ADAMTSL1: variants seen among roughly 807,000 people sequenced by gnomAD.
The protein encoded by ADAMTSL1 is ADAMTS-like protein 1.
In ADAMTSL1, 126 loss-of-function variants were observed where a neutral mutation model predicts 201.8. That is an observed-to-expected ratio of 0.62 (90% CI 0.54 to 0.72). The LOEUF (loss-of-function observed/expected upper bound fraction) is 0.72. Ranked by LOEUF, ADAMTSL1 falls within the 30% of genes least tolerant of loss-of-function variation. ADAMTSL1 has a pLI of 0.00. For synonymous variants in ADAMTSL1, 1,121 were observed against 903.4 expected, an observed-to-expected ratio of 1.24 and a Z score of -4.32; for missense variants, 2,679 against 2,277.8, an observed-to-expected ratio of 1.18 and a Z score of -3.59.
intron 2 of ADAMTSL1, among the ~76,000 whole-genome samples, chr9:18,258,508 C>T (rs1831783744): frequency 6.6e-6 from 1 of 152,126 alleles, no homozygotes. Context: ...TCTCTTCTTC[C>T]CTTAATCTGC....
chr9:18,728,022 G>A (rs1817994844), intron 15 of ADAMTSL1, among the ~76,000 whole-genome samples: 1 of 152,058 alleles, frequency 6.6e-6, no homozygotes, highest in African/African-American at 2.4e-5. Flanking sequence ...GGAAGTTACG[G>A]TGAGCCAAGA....
intron 20 of ADAMTSL1, among the ~76,000 whole-genome samples, chr9:18,816,857 G>A (rs1435803485): frequency 6.7e-6 from 1 of 150,172 alleles, no homozygotes; most frequent in East Asian, 2.0e-4. Context: ...TTAATATATG[G>A]TGATCAGATC....
chr9:18,287,003 G>A (rs1234209140), intron 2 of ADAMTSL1, among the ~76,000 whole-genome samples: 1 of 152,042 alleles, frequency 6.6e-6, no homozygotes, highest in Non-Finnish European at 1.5e-5. Flanking sequence ...TAGGCCAAGG[G>A]TAACAAATAA....
At chr9:18,376,920 T>A (rs1837321535) in intron 2 of ADAMTSL1, among the ~76,000 whole-genome samples, 1 of 148,296 alleles carries the variant, frequency 6.7e-6, no homozygotes, top group African/African-American at 2.7e-5. Context: ...TTATTTAAAA[T>A]AAAATACGTT....
chr9:18,257,689 C>A (rs1346443820), intron 2 of ADAMTSL1, among the ~76,000 whole-genome samples: 1 of 151,926 alleles, frequency 6.6e-6, no homozygotes, highest in Non-Finnish European at 1.5e-5. Context: ...AGATATATAC[C>A]CCCAAAGAAC....
At chr9:18,506,921 A>C (rs939706808) in intron 2 of ADAMTSL1, among the ~76,000 whole-genome samples, 1 of 152,184 alleles carries the variant, frequency 6.6e-6, no homozygotes, top group Non-Finnish European at 1.5e-5. Context: ...AAGAAATATT[A>C]GTTTCTTAAA....
chr9:18,686,782 C>T (rs183031636), intron 13 of ADAMTSL1, among the ~76,000 whole-genome samples: 115 of 152,218 alleles, frequency 7.6e-4, no homozygotes, highest in African/African-American at 2.6e-3. Flanking sequence ...TTATTAGATG[C>T]CTTTCAGATG....
At chr9:18,328,870 A>G (rs1301131240) in intron 2 of ADAMTSL1, among the ~76,000 whole-genome samples, 1 of 152,206 alleles carries the variant, frequency 6.6e-6, no homozygotes, top group Non-Finnish European at 1.5e-5. Context: ...GGATGTCCCC[A>G]AACCATGGAT....
chr9:18,586,761 G>C (rs1004674566), intron 4 of ADAMTSL1, among the ~76,000 whole-genome samples: 1 of 151,990 alleles, frequency 6.6e-6, no homozygotes, highest in South Asian at 2.1e-4. Context: ...TAGACCAATG[G>C]AACAGAATAG....
intron 1 of ADAMTSL1, among the ~76,000 whole-genome samples, chr9:18,476,869 G>T (rs1257094717): frequency 6.6e-6 from 1 of 152,098 alleles, no homozygotes; most frequent in Non-Finnish European, 1.5e-5. Context: ...CTAGGTTCTT[G>T]AGTGTGTACA....
rs534077579 is a variant in ADAMTSL1 at position 18,368,590 on chromosome 9, A to G, written c.208-136239A>G. 5.1e-3 allele frequency among the ~76,000 whole-genome samples: 770 copies of G among 152,258 alleles called. 1 individual carries two copies. Among genetic ancestry groups the G allele is most frequent in the Middle Eastern group, 0.031 (9 of 294 alleles). On this transcript the variant is annotated intron_variant, in intron 2 of 29. Coordinates refer to the ADAMTSL1 transcript ENST00000680146. ...TCTTAGACAGTAGTGGCAGGATTGG[A>G]GTGTAGAATAGTCTGCCTCCAAAGT...
Position 18,777,420 on chromosome 9 carries a change from T to C in ADAMTSL1, c.3191T>C (p.Leu1064Pro), listed in dbSNP as rs1423188729. ...SEEDPGAEQV[L>P]LHLPFTMVTE... is the part of the protein sequence containing the mutation. ...GAGGACCCGGGTGCAGAGCAAGTGC[T>C]CCTGCACCTGCCCTTCACCATGGTG... is the stretch of plus-strand genomic sequence containing the variant. The change falls in exon 19 of 29, where the codon CTC becomes CCC. Residue 1064 changes from leucine to proline, a missense_variant. By Grantham distance (98) the Leu-to-Pro change is moderately conservative. Coordinates refer to ENST00000380548, the MANE Select transcript of ADAMTSL1 (RefSeq NM_001040272.6). 2 of 1,601,538 alleles carry C rather than the reference T, an allele frequency of 1.2e-6. No homozygotes were observed. Among genetic ancestry groups the C allele is most frequent in the South Asian group, 2.2e-5 (2 of 89,110 alleles).
At chr9:18,227,775 A>G (rs1215651557) in intron 2 of ADAMTSL1, among the ~76,000 whole-genome samples, 2 of 152,166 alleles carry the variant, frequency 1.3e-5, no homozygotes, top group African/African-American at 4.8e-5. Context: ...AGTGCCTCAT[A>G]TGGTATTATG....
At chr9:18,350,060 C>G (rs1835898340) in intron 2 of ADAMTSL1, among the ~76,000 whole-genome samples, 1 of 151,992 alleles carries the variant, frequency 6.6e-6, no homozygotes, top group African/African-American at 2.4e-5. Flanking sequence ...TGGAAAAATA[C>G]TCTCAAAGAG....
At chr9:18,736,127 A>G (rs559754242) in intron 15 of ADAMTSL1, among the ~76,000 whole-genome samples, 1 of 152,278 alleles carries the variant, frequency 6.6e-6, no homozygotes, top group Admixed American at 6.5e-5. Flanking sequence ...CTATTTATCA[A>G]TGTTGCTTTC....
intron 1 of ADAMTSL1, among the ~76,000 whole-genome samples, chr9:17,997,721 T>C (rs970326059): frequency 6.6e-6 from 1 of 152,084 alleles, no homozygotes; most frequent in African/African-American, 2.4e-5. Flanking sequence ...TGAAGGGTTC[T>C]TTTGAAGATC....
At chr9:18,360,622 G>A (rs1836476231) in intron 2 of ADAMTSL1, 1 of 152,172 alleles carries the variant, frequency 6.6e-6, no homozygotes, top group Non-Finnish European at 1.5e-5. Context: ...TGGGAACAGA[G>A]ACATTAACAC....
At chr9:18,646,116 G>C (rs1827794406) in intron 7 of ADAMTSL1, among the ~76,000 whole-genome samples, 1 of 151,768 alleles carries the variant, frequency 6.6e-6, no homozygotes, top group Admixed American at 6.6e-5. Context: ...TCCCTTGTAA[G>C]TTGGATTCCT....
chr9:18,486,485 C>T (rs1036029564), intron 1 of ADAMTSL1, among the ~76,000 whole-genome samples: 4 of 152,188 alleles, frequency 2.6e-5, no homozygotes, highest in Admixed American at 2.6e-4. Context: ...AGGAGGATCG[C>T]TTGAGCCCAG....
Sources: allele counts gnomAD v4.1 joint callset (sites outside exome capture counted in the v4.1 genomes callset), GRCh38; gene constraint gnomAD v4.1.1; transcripts MANE v1.5; gene names NCBI Gene and HGNC (gene_info 2026-07-23, HGNC 2026-07-21).